The following SNX24 variants were observed in gnomAD, a reference collection of about 807,000 sequenced individuals.
The protein encoded by SNX24 is sorting nexin-24.
In SNX24, 22 loss-of-function variants were observed where a neutral mutation model predicts 28.7. The ratio of observed to expected loss-of-function variants is 0.77; its 90% CI spans 0.55 to 1.10. The LOEUF is 1.10. SNX24 is among the 50% of genes least tolerant of loss of function. The pLI, the probability that SNX24 is intolerant of heterozygous loss-of-function variation, is 0.00. For synonymous variants in SNX24, 69 were observed against 71.5 expected, an observed-to-expected ratio of 0.96 and a Z score of 0.18; for missense variants, 221 against 201.1, an observed-to-expected ratio of 1.10 and a Z score of -0.60.
chr5:122,967,621 A>C (rs1760767057), intron 3 of SNX24, among the ~76,000 whole-genome samples: 1 of 152,222 alleles, frequency 6.6e-6, no homozygotes, highest in Non-Finnish European at 1.5e-5. Context: ...GACCGATAAC[A>C]GTACTTTCAC....
intron 3 of SNX24, among the ~76,000 whole-genome samples, chr5:122,989,571 G>A (rs2150164332): frequency 6.6e-6 from 1 of 152,284 alleles, no homozygotes; most frequent in South Asian, 2.1e-4. Context: ...GAAGAGTAGG[G>A]CAGGGTATAT....
intron 3 of SNX24, among the ~76,000 whole-genome samples, chr5:122,955,026 C>T (rs1430589806): frequency 2.0e-5 from 3 of 151,830 alleles, no homozygotes; most frequent in African/African-American, 4.8e-5. Context: ...TTATTATAGA[C>T]CCACAGGGAC....
chr5:122,970,235 T>C (rs1159427505), intron 3 of SNX24, among the ~76,000 whole-genome samples: 1 of 150,366 alleles, frequency 6.7e-6, no homozygotes, highest in Non-Finnish European at 1.5e-5. Context: ...ACTGAACTTT[T>C]TAATTTGAAG....
intron 1 of SNX24, among the ~76,000 whole-genome samples, chr5:122,930,159 G>C (rs1200288648): frequency 4.6e-5 from 7 of 152,194 alleles, no homozygotes; most frequent in Non-Finnish European, 7.3e-5. Context: ...GCTGTGAGAA[G>C]ATGCCTCCAA....
intron 3 of SNX24, among the ~76,000 whole-genome samples, chr5:122,983,622 GA>G (rs1203178793): frequency 1.3e-5 from 2 of 152,156 alleles, no homozygotes; most frequent in Non-Finnish European, 2.9e-5. Context: ...TGTTGTTGTT[GA>G]AACAGGGTCT....
intron 5 of SNX24, chr5:123,029,008 TGA>T: frequency 1.2e-6 from 1 of 862,782 alleles, no homozygotes; most frequent in Non-Finnish European, 1.7e-6. Flanking sequence ...TATGGTTTAC[TGA>T]GAGAAATTTA....
rs769834281 is a variant in SNX24, at chr5:122,936,745, A to T, written c.72A>T (p.Ile24=). The change falls in exon 2 of 7, where the codon ATA becomes ATT. Residue 24 remains isoleucine, a synonymous_variant. Transcript: ENST00000261369. ...DLERGYTVFK[I]EVLMNGRKHF... Reference sequence around the variant, plus strand: ...AATTTTTTCCTCAGGTGTTTAAGATAGAAGTGCTAATGAATGGAAGAAAAC... The same window carrying T: ...AATTTTTTCCTCAGGTGTTTAAGATTGAAGTGCTAATGAATGGAAGAAAAC... 3.6e-5 allele frequency: 58 copies of T among 1,590,982 alleles called. No homozygotes were observed. The highest frequency in any genetic ancestry group is 4.9e-5 in the Non-Finnish European group (57 of 1,161,160).
intron 1 of SNX24, among the ~76,000 whole-genome samples, chr5:122,911,114 A>G (rs374193949): frequency 6.6e-6 from 1 of 152,140 alleles, no homozygotes; most frequent in African/African-American, 2.4e-5. Flanking sequence ...ATTTCTCCAC[A>G]TCCTCTCCAG....
chr5:122,998,537 G>T (rs1168938876), intron 3 of SNX24, among the ~76,000 whole-genome samples: 1 of 152,136 alleles, frequency 6.6e-6, no homozygotes, highest in Admixed American at 6.5e-5. Flanking sequence ...GCTTCCATGG[G>T]AATGGTGAGC....
chr5:122,967,860 A>T (rs10079350), intron 3 of SNX24, among the ~76,000 whole-genome samples: 8,129 of 152,340 alleles, frequency 0.053, 319 homozygotes, highest in Non-Finnish European at 0.074. Flanking sequence ...CGTGAATGGC[A>T]GTAGCACCTG....
At chr5:122,985,994 G>C (rs373787968) in intron 3 of SNX24, among the ~76,000 whole-genome samples, 9 of 152,302 alleles carry the variant, frequency 5.9e-5, no homozygotes, top group Admixed American at 3.3e-4. Context: ...AAACAAATAA[G>C]GGAGCAAGAA....
chr5:122,904,463 G>A (rs1448750442), intron 1 of SNX24, among the ~76,000 whole-genome samples: 1 of 152,140 alleles, frequency 6.6e-6, no homozygotes, highest in Admixed American at 6.5e-5. Flanking sequence ...GATTACAGGT[G>A]TGAGCCACCA....
chr5:122,905,183 T>C (rs1757598030), intron 1 of SNX24, among the ~76,000 whole-genome samples: 1 of 152,026 alleles, frequency 6.6e-6, no homozygotes, highest in Admixed American at 6.6e-5. Flanking sequence ...GTGTTGAGGG[T>C]AGGTAAGGAT....
chr5:123,022,436 T>G (rs982186181), intron 5 of SNX24: 2 of 152,262 alleles, frequency 1.3e-5, no homozygotes, highest in Non-Finnish European at 2.9e-5. Flanking sequence ...AGGTATGTTA[T>G]AACAAGGCCC....
intron 1 of SNX24, among the ~76,000 whole-genome samples, chr5:122,916,740 C>T (rs1472877154): frequency 6.6e-6 from 1 of 152,116 alleles, no homozygotes; most frequent in African/African-American, 2.4e-5. Flanking sequence ...AATCTCTGAC[C>T]AGAGACTAGG....
chr5:122,999,171 T>C (rs958966165), intron 3 of SNX24, among the ~76,000 whole-genome samples: 4 of 152,182 alleles, frequency 2.6e-5, no homozygotes, highest in Non-Finnish European at 5.9e-5. Context: ...TGACATTGCA[T>C]AATCTGGATC....
At chr5:122,943,812 T>C (rs150512216) in intron 2 of SNX24, among the ~76,000 whole-genome samples, 8 of 152,262 alleles carry the variant, frequency 5.3e-5, no homozygotes, top group Admixed American at 2.0e-4. Context: ...ATACAAGGCA[T>C]TTACACCAGG....
At chr5:122,977,494 G>A (rs143095676) in intron 3 of SNX24, among the ~76,000 whole-genome samples, 18 of 152,318 alleles carry the variant, frequency 1.2e-4, no homozygotes, top group African/African-American at 4.3e-4. Context: ...ACTTGACAGT[G>A]AGTACAGCAG....
intron 3 of SNX24, among the ~76,000 whole-genome samples, chr5:122,986,054 CTG>C (rs1263245858): frequency 4.0e-5 from 6 of 151,494 alleles, no homozygotes; most frequent in African/African-American, 1.4e-4. Flanking sequence ...CCAGAGGATG[CTG>C]TGATAGCCTG....
Sources: gnomAD v4.1 joint callset for allele counts (sites outside exome capture counted in the v4.1 genomes callset) on GRCh38, gnomAD v4.1.1 for gene constraint, MANE v1.5 for transcripts, NCBI Gene and HGNC (gene_info 2026-07-23, HGNC 2026-07-21) for gene names.